RB1: variants seen among roughly 807,000 people sequenced by gnomAD.
The protein encoded by RB1 is RB transcriptional corepressor 1.
In RB1, 18 loss-of-function variants were observed where a neutral mutation model predicts 135.4. The ratio of observed to expected loss-of-function variants is 0.13; its 90% CI spans 0.09 to 0.20. The LOEUF (loss-of-function observed/expected upper bound fraction) is 0.20. Among genes scored for constraint, RB1 ranks in the 10% least tolerant of loss-of-function variants. The probability of loss-of-function intolerance (pLI) is 1.00; values close to 1 mark genes in which losing one functional copy is unlikely to be tolerated. For missense variants in RB1, 868 were observed against 1,110.0 expected (o/e 0.78, Z 3.10); for synonymous variants, 365 against 373.2 (o/e 0.98, Z 0.25).
At chr13:48,334,674 A>G (rs1952367296) in intron 2 of RB1, among the ~76,000 whole-genome samples, 1 of 152,202 alleles carries the variant, frequency 6.6e-6, no homozygotes, top group Non-Finnish European at 1.5e-5. Flanking sequence ...TTGTGACAGC[A>G]TACATAGTAG....
intron 11 of RB1, 77 bp from the exon 12 acceptor site, chr13:48,373,328 G>T: frequency 1.2e-6 from 1 of 865,246 alleles, no homozygotes; most frequent in Non-Finnish European, 2.0e-6. Flanking sequence ...TTTAACTTGG[G>T]AGATGGAAAA....
chr13:48,475,212 T>C (rs1566240503), intron 24 of RB1, among the ~76,000 whole-genome samples: 1 of 152,190 alleles, frequency 6.6e-6, no homozygotes, highest in Non-Finnish European at 1.5e-5. Context: ...ACTGCCTATG[T>C]TATGTGTTGC....
intron 11 of RB1, among the ~76,000 whole-genome samples, chr13:48,372,343 A>G (rs1165298823): frequency 6.6e-6 from 1 of 152,206 alleles, no homozygotes; most frequent in East Asian, 1.9e-4. Flanking sequence ...ACACAGAAGC[A>G]TATAGAAGCT....
At chr13:48,304,699 A>G (rs1246801895) in intron 1 of RB1, among the ~76,000 whole-genome samples, 1 of 152,182 alleles carries the variant, frequency 6.6e-6, no homozygotes, top group African/African-American at 2.4e-5. Context: ...AACTCTTTAG[A>G]GGAACTGAAA....
intron 6 of RB1, among the ~76,000 whole-genome samples, chr13:48,352,435 AT>A (rs1467924992): frequency 6.6e-6 from 1 of 151,272 alleles, no homozygotes; most frequent in Non-Finnish European, 1.5e-5. Context: ...TGAATCTGTA[AT>A]TTTTTTGGGG....
intron 13 of RB1, among the ~76,000 whole-genome samples, chr13:48,379,269 G>A (rs2138140032): frequency 6.6e-6 from 1 of 152,296 alleles, no homozygotes; most frequent in South Asian, 2.1e-4. Flanking sequence ...ACTTGGGAAT[G>A]TTAATCACCA....
chr13:48,340,209 G>T (rs1486934817), intron 2 of RB1, among the ~76,000 whole-genome samples: 1 of 152,088 alleles, frequency 6.6e-6, no homozygotes, highest in Non-Finnish European at 1.5e-5. Context: ...GTCTTAATGA[G>T]CTTGGGTTAG....
chr13:48,347,797 T>A (rs1952511322), intron 4 of RB1, 28 bp from the exon 5 acceptor site: 1 of 1,532,948 alleles, frequency 6.5e-7, no homozygotes, highest in Non-Finnish European at 9.0e-7. Flanking sequence ...GAAAAAATGT[T>A]AAAAAGTCAT....
chr13:48,408,691 A>G (rs1366029877), intron 17 of RB1: 1 of 152,190 alleles, frequency 6.6e-6, no homozygotes, highest in Admixed American at 6.5e-5. Flanking sequence ...ATAGTTCTAG[A>G]TGAGAAAACC....
chr13:48,370,979 A>T (rs1243534111), intron 11 of RB1, among the ~76,000 whole-genome samples: 1 of 152,222 alleles, frequency 6.6e-6, no homozygotes, highest in Non-Finnish European at 1.5e-5. Flanking sequence ...TACGAGTTGT[A>T]TGTCAGGATA....
In RB1 at chr13:48,456,265, G is replaced by A. The variant is rs747147942; in HGVS notation, c.1876G>A (p.Ala626Thr). The stretch of plus-strand genomic sequence containing the variant: ...TTCAACTACGCGTGTAAATTCTACT[G>A]CAAATGCAGAGACACAAGCAACCTC... ...KGSTTRVNST[A>T]NAETQATSAF... Residue 626 changes from alanine (A) to threonine (T), a missense_variant, in exon 19 of 27, where the codon GCA (alanine) becomes ACA (threonine). By Grantham distance (58) the Ala-to-Thr change is moderately conservative. This residue lies in a region of RB1 where 641 missense variants were observed against 791.3 expected (regional missense o/e 0.81). Coordinates refer to ENST00000267163, the MANE Select transcript of RB1 (RefSeq NM_000321.3). 1.2e-5 allele frequency: 19 copies of A among 1,614,020 alleles called. No individual in the cohort carries two copies. In the Admixed American group the frequency reaches 3.2e-4, roughly 27 times the overall value.
chr13:48,380,604 T>C (rs1948527644), intron 16 of RB1, among the ~76,000 whole-genome samples: 1 of 152,142 alleles, frequency 6.6e-6, no homozygotes, highest in Non-Finnish European at 1.5e-5. Flanking sequence ...TCCATGGTTA[T>C]GAAACTAAAG....
At chr13:48,311,647 T>C (rs1952131578) in intron 2 of RB1, among the ~76,000 whole-genome samples, 1 of 152,256 alleles carries the variant, frequency 6.6e-6, no homozygotes, top group African/African-American at 2.4e-5. Flanking sequence ...GGGAGAAATA[T>C]GAAGCCTCCA....
chr13:48,360,971 A>C (rs1952633751), intron 7 of RB1, among the ~76,000 whole-genome samples: 1 of 152,154 alleles, frequency 6.6e-6, no homozygotes, highest in South Asian at 2.1e-4. Context: ...CTTTGTGAAC[A>C]AGAATTTAGT....
At chr13:48,402,027 A>G (rs1948696488) in intron 17 of RB1, among the ~76,000 whole-genome samples, 1 of 152,114 alleles carries the variant, frequency 6.6e-6, no homozygotes, top group African/African-American at 2.4e-5. Context: ...TAGTTTTTAT[A>G]TTAGGTTTTA....
In RB1 at chr13:48,380,059, G is replaced by C. The variant is rs1593456114; in HGVS notation, c.1396G>C (p.Glu466Gln). ...TTTAAATTATCTGTTTCAGGAAGAA[G>C]AACGATTATCCATTCAAAATTTTAG... is the stretch of plus-strand genomic sequence containing the variant. ...VMESMLKSEE[E>Q]RLSIQNFSKL... Residue 466 changes from glutamate to glutamine, a missense_variant, in exon 15 of 27, where the codon GAA (glutamate) becomes CAA (glutamine). Physicochemically the swap from Glu to Gln is conservative, Grantham distance 29. This residue lies in a region of RB1 where 641 missense variants were observed against 791.3 expected (regional missense o/e 0.81). Transcript: ENST00000267163. 7.8e-7 allele frequency: 1 copy of C among 1,286,558 alleles called. No individual in the cohort carries two copies. Among genetic ancestry groups the C allele is most frequent in the Non-Finnish European group, 1.0e-6 (1 of 964,056 alleles). 79.7% of individuals were successfully genotyped at this position (1,286,558 alleles called of 1,614,324 possible).
chr13:48,334,453 A>G (rs1270434790), intron 2 of RB1, among the ~76,000 whole-genome samples: 1 of 152,172 alleles, frequency 6.6e-6, no homozygotes, highest in Non-Finnish European at 1.5e-5. Context: ...ATTTCTCTGT[A>G]ATACCTTCAT....
chr13:48,450,511 A>C (rs1170225926), intron 17 of RB1, among the ~76,000 whole-genome samples: 1 of 152,050 alleles, frequency 6.6e-6, no homozygotes, highest in Non-Finnish European at 1.5e-5. Context: ...ACTCTGTTCC[A>C]TTCGTCTGTG....
chr13:48,306,218 A>G (rs1952078738), intron 1 of RB1, among the ~76,000 whole-genome samples: 1 of 152,188 alleles, frequency 6.6e-6, no homozygotes, highest in Non-Finnish European at 1.5e-5. Flanking sequence ...GAGCCTGGGC[A>G]ACAAAACAAG....
Sources: gnomAD v4.1 joint callset for allele counts (sites outside exome capture counted in the v4.1 genomes callset) on GRCh38, gnomAD v4.1.1 for gene constraint, gnomAD v4.1.1 regional missense constraint, MANE v1.5 for transcripts, NCBI Gene and HGNC (gene_info 2026-07-23, HGNC 2026-07-21) for gene names.